The following LLGL2 variants were observed in gnomAD, a reference collection of about 807,000 sequenced individuals.
LLGL2 encodes the protein LLGL2, scribble cell polarity complex component.
In LLGL2, 81 loss-of-function variants were observed where a neutral mutation model predicts 123.2. The observed-to-expected ratio is 0.66, with a 90% CI of 0.55 to 0.79. The LOEUF (loss-of-function observed/expected upper bound fraction) is 0.79, where lower values mean the gene tolerates loss of function less well. Among genes scored for constraint, LLGL2 ranks in the 30% least tolerant of loss-of-function variants. LLGL2 has a pLI of 0.00. For synonymous variants in LLGL2, 577 were observed against 594.1 expected (o/e 0.97, Z 0.42); for missense variants, 1,273 against 1,414.6 (o/e 0.90, Z 1.61).
chr17:75,558,347 C>T lies in LLGL2; in HGVS notation c.255+111C>T. On this transcript the variant is annotated intron_variant, in intron 4 of 25. Transcript: ENST00000392550. This position sits in a 1 kb window ranked among gnomAD's most constrained non-coding sequence, Gnocchi z 4.0. ...GCATTCGGTGGCCCTGGGTTTGCTG[C>T]TGATGGAAAGACCTGGGACCCCCTC... The T allele has an allele frequency of 8.1e-7, 1 of 1,241,824 alleles. No homozygotes were observed. Among genetic ancestry groups the T allele is most frequent in the Non-Finnish European group, 1.1e-6 (1 of 885,038 alleles). The allele number at this position is 1,241,824 out of a possible 1,614,324, so 76.9% of individuals were successfully genotyped here. A position where few individuals can be genotyped will look rare whatever the true frequency, so the allele number is the denominator to read the frequency against.
At chr17:75,541,575 G>A (rs2054207547) in intron 1 of LLGL2, among the ~76,000 whole-genome samples, 1 of 152,142 alleles carries the variant, frequency 6.6e-6, no homozygotes, top group Admixed American at 6.5e-5. Context: ...CCTCCAAAAT[G>A]TGAAGGCAGG....
rs921755802 is a variant in LLGL2, at chr17:75,549,344, G to A, written c.75+5843G>A. Among the ~76,000 whole-genome samples, 1 of 151,924 alleles carries A rather than the reference G, an allele frequency of 6.6e-6. No individual in the cohort carries two copies. The highest frequency in any genetic ancestry group is 1.5e-5 in the Non-Finnish European group (1 of 67,950). ...TGCTCACAGCCAGCTCGCTCCCCTC[G>A]GCCAAACCCAGGCACACCCCAAGCA... On this transcript the variant is annotated intron_variant, in intron 2 of 25. Coordinates refer to ENST00000392550, the MANE Select transcript of LLGL2 (RefSeq NM_001031803.2). The surrounding 1 kb of genome is among the most constrained non-coding windows in gnomAD (Gnocchi z 4.0).
rs61739417 is a variant in LLGL2, at chr17:75,571,668, C to T, written c.2178C>T (p.Ser726=). 6.3e-5 allele frequency: 101 copies of T among 1,606,418 alleles called. No homozygotes were observed. The African/African-American group carries it at 1.2e-3, about 20-fold the overall frequency. The change falls in exon 18 of 26, where the codon AGC becomes AGT. Residue 726 remains serine, a splice_region_variant and synonymous_variant. Transcript: ENST00000392550. ...LYFADTYLKD[S]SRHCPSLWAG... is the part of the protein sequence containing the mutation. Reference sequence around the variant, plus strand: ...CACCCAAACATGGCTTCTCGGCAGGCTCCCGGCACTGCCCCTCGCTGTGGG... The same window carrying T: ...CACCCAAACATGGCTTCTCGGCAGGTTCCCGGCACTGCCCCTCGCTGTGGG...
chr17:75,533,018 T>G (rs935445350), intron 1 of LLGL2, among the ~76,000 whole-genome samples: 1 of 152,114 alleles, frequency 6.6e-6, no homozygotes, highest in Non-Finnish European at 1.5e-5. Context: ...TTTTTCTTTT[T>G]TTGAGGAGTC....
In LLGL2 at chr17:75,544,548, G is replaced by A. The variant is rs543455147; in HGVS notation, c.75+1047G>A. ...TTTGCCACATAGAAGCTGGATGGCC[G>A]TGTGCCTGTCGCCCACACCATAGGC... is the stretch of plus-strand genomic sequence containing the variant. On this transcript the variant is annotated intron_variant, in intron 2 of 25. Coordinates refer to ENST00000392550, the MANE Select transcript of LLGL2 (RefSeq NM_001031803.2). The surrounding 1 kb of genome is among the most constrained non-coding windows in gnomAD (Gnocchi z 4.2). Among the ~76,000 whole-genome samples the A allele has an allele frequency of 4.6e-5, 7 of 152,252 alleles. No individual in the cohort carries two copies. The highest frequency in any genetic ancestry group is 1.4e-4 in the African/African-American group (6 of 41,464).
chr17:75,528,435 C>T (rs181854853), intron 1 of LLGL2, among the ~76,000 whole-genome samples: 1 of 152,084 alleles, frequency 6.6e-6, no homozygotes, highest in Admixed American at 6.5e-5. Context: ...TTTTAATATA[C>T]CGCAACATTA....
Position 75,559,324 on chromosome 17 carries a change from C to T in LLGL2, c.444C>T (p.Thr148=), listed in dbSNP as rs150350305. ...HSSCELLYLG[T]ESGNVFVVQL... is the part of the protein sequence containing the mutation. ...CCTGCGAGCTGCTCTACCTGGGCAC[C>T]GAGAGTGGCAACGTGTTTGTGGTGC... is the stretch of plus-strand genomic sequence containing the variant. The change falls in exon 6 of 26, where the codon ACC becomes ACT. Residue 148 remains threonine, a synonymous_variant. Transcript: ENST00000392550. The surrounding 1 kb of genome is among the most constrained non-coding windows in gnomAD (Gnocchi z 4.6). The T allele has an allele frequency of 4.0e-5, 65 of 1,613,480 alleles. No homozygotes were observed. In the Middle Eastern group the frequency reaches 4.9e-4, roughly 12 times the overall value.
At position 75,558,767 on chromosome 17, in the gene LLGL2, A is replaced by G; in HGVS notation, c.371+140A>G. 1.4e-6 allele frequency: 1 copy of G among 694,492 alleles called. No homozygotes were observed. The highest frequency in any genetic ancestry group is 2.3e-5 in the Admixed American group (1 of 43,550). The allele number at this position is 694,492 out of a possible 1,614,324, so 43.0% of individuals were successfully genotyped here. ...TGCGTTTGGCCCGATGCATCGCCAC[A>G]CTCAGGTGCTCCGAGTGGAGTGGGC... is the stretch of plus-strand genomic sequence containing the variant. On this transcript the variant is annotated intron_variant, in intron 5 of 25. Transcript: ENST00000392550. The surrounding 1 kb of genome is among the most constrained non-coding windows in gnomAD (Gnocchi z 4.0).
At position 75,556,069 on chromosome 17, in the gene LLGL2, C is replaced by G. The variant is rs376986902; in HGVS notation, c.99C>G (p.His33Gln). 2 of 1,609,388 alleles carry G rather than the reference C, an allele frequency of 1.2e-6. No homozygotes were observed. The highest frequency in any genetic ancestry group is 1.7e-6 in the Non-Finnish European group (2 of 1,179,972). ...AGACGGTGGAGCATGGCTTCCCGCA[C>G]CAGCCCAGCGCCCTCGGCTACAGCC... The part of the protein sequence containing the change: ...FNKTVEHGFP[H>Q]QPSALGYSPS... The change falls in exon 3 of 26, where the codon CAC becomes CAG. Residue 33 changes from histidine (H) to glutamine (Q), a missense_variant. Transcript: ENST00000392550.
At chr17:75,563,614 G>T (rs2055320992) in intron 8 of LLGL2, 138 bp from the exon 9 acceptor site, 1 of 1,477,694 alleles carries the variant, frequency 6.8e-7, no homozygotes, top group South Asian at 1.2e-5. Context: ...CAGTTTCTTG[G>T]GGAACTTCTC....
chr17:75,572,883 C>T, intron 19 of LLGL2, 131 bp from the exon 20 acceptor site: 1 of 1,100,426 alleles, frequency 9.1e-7, no homozygotes, highest in Non-Finnish European at 1.3e-6. Flanking sequence ...CAGGCCATGT[C>T]TGTGCATCTG....
intron 1 of LLGL2, among the ~76,000 whole-genome samples, chr17:75,541,568 C>G (rs187435073): frequency 8.7e-4 from 133 of 152,270 alleles, no homozygotes; most frequent in Non-Finnish European, 1.6e-3. Flanking sequence ...TCTGACTCCT[C>G]CAAAATGTGA....
chr17:75,562,391 T>A (rs2055260502), intron 6 of LLGL2: 1 of 154,984 alleles, frequency 6.5e-6, no homozygotes, highest in East Asian at 1.9e-4. Flanking sequence ...TCCGGAGGTC[T>A]TATGCACCCT....
rs1470138331 is a variant in LLGL2 at position 75,537,450 on chromosome 17, TTGTG to T, written c.-30-5946_-30-5943del. Among the ~76,000 whole-genome samples the T allele has an allele frequency of 3.2e-3, 488 of 152,160 alleles. 3 individuals are homozygous for T. The highest frequency in any genetic ancestry group is 0.011 in the African/African-American group (470 of 41,524). Reference sequence around the variant, plus strand: ...GGCTCACGCCTATAATCCTAGCACTTTGTGGGGCCGAGGTGGGCAGATCACTTGA... The same window carrying T: ...GGCTCACGCCTATAATCCTAGCACTTGGGCCGAGGTGGGCAGATCACTTGA... On this transcript the variant is annotated intron_variant, in intron 1 of 25. Coordinates refer to ENST00000392550, the MANE Select transcript of LLGL2 (RefSeq NM_001031803.2).
At chr17:75,565,586 C>T (rs1008462243) in intron 10 of LLGL2, among the ~76,000 whole-genome samples, 1 of 152,198 alleles carries the variant, frequency 6.6e-6, no homozygotes, top group African/African-American at 2.4e-5. Flanking sequence ...GCCACACTCC[C>T]CGGGCTAACT....
In LLGL2 at chr17:75,564,814, G is replaced by C. The variant is rs1331293548; in HGVS notation, c.1036+307G>C. 1 of 309,872 alleles carries C rather than the reference G, an allele frequency of 3.2e-6. No homozygotes were observed. The highest frequency in any genetic ancestry group is 4.7e-5 in the Admixed American group (1 of 21,306). 19.2% of individuals were successfully genotyped at this position (309,872 alleles called of 1,614,324 possible). ...GGGAGGTGGAGGTTGCAGCGAACCA[G>C]GATCATGCTACTGTACTCAGCCTGG... is the stretch of plus-strand genomic sequence containing the variant. On this transcript the variant is annotated intron_variant, in intron 10 of 25. Transcript: ENST00000392550. This position sits in a 1 kb window ranked among gnomAD's most constrained non-coding sequence, Gnocchi z 4.9.
chr17:75,556,002 A>G, intron 2 of LLGL2, 44 bp from the exon 3 acceptor site: 1 of 1,488,620 alleles, frequency 6.7e-7, no homozygotes, highest in Non-Finnish European at 9.3e-7. Flanking sequence ...GGTGGCGCGA[A>G]GGGGACAGGT....
chr17:75,533,450 G>T (rs565525209), intron 1 of LLGL2, among the ~76,000 whole-genome samples: 1 of 150,724 alleles, frequency 6.6e-6, no homozygotes, highest in African/African-American at 2.4e-5. Context: ...GACTACAGGC[G>T]CCCGCCATGA....
At chr17:75,557,540 A>G (rs144196024) in intron 3 of LLGL2, among the ~76,000 whole-genome samples, 3,932 of 152,280 alleles carry the variant, frequency 0.026, 64 homozygotes, top group Middle Eastern at 0.11. Context: ...GAGTTGAGAG[A>G]TGAGGGACCA....
Sources: allele counts gnomAD v4.1 joint callset (sites outside exome capture counted in the v4.1 genomes callset), GRCh38; gene constraint gnomAD v4.1.1; non-coding constraint Gnocchi (gnomAD v3.1); transcripts MANE v1.5; gene names NCBI Gene and HGNC (gene_info 2026-07-23, HGNC 2026-07-21).